ANKS3: variants seen among roughly 807,000 people sequenced by gnomAD.
ANKS3 encodes ankyrin repeat and sterile alpha motif domain containing 3, also known as ankyrin repeat and SAM domain-containing protein 3.
ANKS3 carries 62 observed loss-of-function variants against 80.7 expected under a neutral mutation model. The ratio of observed to expected loss-of-function variants is 0.77; its 90% CI spans 0.63 to 0.95. The LOEUF is 0.95. ANKS3 is among the 40% of genes least tolerant of loss of function. The pLI, the probability that ANKS3 is intolerant of heterozygous loss-of-function variation, is 0.00. For missense variants in ANKS3, 1,150 were observed against 883.6 expected (o/e 1.30, Z -3.82); for synonymous variants, 489 against 355.3 (o/e 1.38, Z -4.23).
At chr16:4,726,618 A>T in intron 5 of ANKS3, 41 bp downstream of exon 5, 9 of 1,600,564 alleles carry the variant, frequency 5.6e-6, no homozygotes, top group Non-Finnish European at 7.7e-6. Context: ...GTCAGATGAC[A>T]CCTAGGCCAC....
intron 6 of ANKS3, among the ~76,000 whole-genome samples, chr16:4,718,974 G>A (rs565553031): frequency 6.6e-6 from 1 of 152,306 alleles, no homozygotes; most frequent in Non-Finnish European, 1.5e-5. Flanking sequence ...ACATATGCAT[G>A]TTATACATAA....
chr16:4,729,966 C>T lies in ANKS3; in HGVS notation c.170+14G>A, dbSNP rs145085118. On this transcript the variant is annotated intron_variant, in intron 3 of 17. Coordinates refer to ENST00000304283, the MANE Select transcript of ANKS3 (RefSeq NM_133450.4). ...TGCTCAAAATGTGAGAGGAAGTTCC[C>T]CGAGATCTCTTACCGCTGCACACAC... is the stretch of plus-strand genomic sequence containing the variant. The T allele has an allele frequency of 6.9e-7, 1 of 1,458,868 alleles. No homozygotes were observed. Among genetic ancestry groups the T allele is most frequent in the East Asian group, 2.5e-5 (1 of 39,600 alleles). The allele number at this position is 1,458,868 out of a possible 1,614,324, so 90.4% of individuals were successfully genotyped here.
chr16:4,702,350 A>C, intron 8 of ANKS3, 108 bp from the exon 9 acceptor site: 1 of 1,210,570 alleles, frequency 8.3e-7, no homozygotes, highest in Admixed American at 3.9e-5. Context: ...GACCTCACCT[A>C]CTTGCCCCTG....
At chr16:4,730,270 A>T (rs2081551667) in intron 2 of ANKS3, 119 bp from the exon 3 acceptor site, 1 of 938,430 alleles carries the variant, frequency 1.1e-6, no homozygotes. Flanking sequence ...AGTGCAGTCA[A>T]CCCCGGGAGT....
chr16:4,702,940 C>A (rs1029029232), intron 8 of ANKS3, among the ~76,000 whole-genome samples: 1 of 152,104 alleles, frequency 6.6e-6, no homozygotes, highest in African/African-American at 2.4e-5. Flanking sequence ...GAACTGGAGC[C>A]TTCAGTGAGC....
chr16:4,708,718 A>C (rs1306795711), intron 7 of ANKS3, among the ~76,000 whole-genome samples: 1 of 151,646 alleles, frequency 6.6e-6, no homozygotes, highest in East Asian at 1.9e-4. Context: ...GCAGATCACG[A>C]GGTGAGGAGA....
At chr16:4,722,393 A>G (rs554432338) in intron 6 of ANKS3, among the ~76,000 whole-genome samples, 1 of 151,972 alleles carries the variant, frequency 6.6e-6, no homozygotes, top group South Asian at 2.1e-4. Context: ...ATCCTGGCTA[A>G]CACGGTGAAA....
chr16:4,730,193 T>C, intron 2 of ANKS3, 42 bp from the exon 3 acceptor site: 2 of 1,447,082 alleles, frequency 1.4e-6, no homozygotes, highest in Non-Finnish European at 1.8e-6. Flanking sequence ...CCTGGCTGGT[T>C]GTTCCAGGGC....
At chr16:4,707,743 G>C (rs2080273883) in intron 7 of ANKS3, among the ~76,000 whole-genome samples, 1 of 152,168 alleles carries the variant, frequency 6.6e-6, no homozygotes, top group African/African-American at 2.4e-5. Context: ...AAATAAGATA[G>C]ACTCACAGAT....
At chr16:4,710,859 C>T (rs1237018064) in intron 7 of ANKS3, among the ~76,000 whole-genome samples, 4 of 152,122 alleles carry the variant, frequency 2.6e-5, no homozygotes, top group South Asian at 2.1e-4. Context: ...AGTGCAGTGG[C>T]GTGATTTTGG....
At chr16:4,699,669 T>C in intron 11 of ANKS3, 1 of 171,900 alleles carries the variant, frequency 5.8e-6, no homozygotes, top group East Asian at 1.5e-4. Context: ...GTTTCTGCTC[T>C]CCTTCTGGAA....
In ANKS3 at chr16:4,702,116, C is replaced by T. The variant is rs1178570081; in HGVS notation, c.995G>A (p.Ser332Asn). ...INERDVESSS[S>N]SSSREEHAFC... Reference sequence around the variant, plus strand: ...GGTGCACGTACCCCGACTGCTGCTGCTGCTGCTGCTCTCCACATCCCGCTC... The same window carrying T: ...GGTGCACGTACCCCGACTGCTGCTGTTGCTGCTGCTCTCCACATCCCGCTC... Residue 332 changes from serine (S) to asparagine (N), a missense_variant, in exon 9 of 18, where the codon AGC becomes AAC. Coordinates refer to ENST00000304283, the MANE Select transcript of ANKS3 (RefSeq NM_133450.4). 2 of 1,595,648 alleles carry T rather than the reference C, an allele frequency of 1.3e-6. No homozygotes were observed. Among genetic ancestry groups the T allele is most frequent in the Non-Finnish European group, 1.7e-6 (2 of 1,173,118 alleles).
In ANKS3 at chr16:4,697,049, C is replaced by T. The variant is rs369166637; in HGVS notation, c.1950G>A (p.Gly650=). 9 of 1,613,760 alleles carry T rather than the reference C, an allele frequency of 5.6e-6. No individual in the cohort carries two copies. In the African/African-American group the frequency reaches 1.1e-4, roughly 19 times the overall value. Residue 650 remains glycine (G), a synonymous_variant, in exon 17 of 18, where the codon GGG becomes GGA. Coordinates refer to ENST00000304283, the MANE Select transcript of ANKS3 (RefSeq NM_133450.4). ...QSLEKLQVLN[G]KKWRET is the part of the protein sequence containing the mutation. Reference sequence around the variant, plus strand: ...CAGGCTAGGTCTCCCGCCACTTCTTCCCGTTCAGCACCTGCAGCTTCTCCA... The same window carrying T: ...CAGGCTAGGTCTCCCGCCACTTCTTTCCGTTCAGCACCTGCAGCTTCTCCA...
Position 4,697,324 on chromosome 16 carries a change from G to A in ANKS3, c.1894+9C>T. On this transcript the variant is annotated intron_variant, in intron 16 of 17. Coordinates refer to ENST00000304283, the MANE Select transcript of ANKS3 (RefSeq NM_133450.4). The stretch of plus-strand genomic sequence containing the variant: ...GGAGCGCTCAGTCGTCTGGTCCCCG[G>A]AGACTCACCCATCTCACGGACACGG... 1.3e-6 allele frequency: 2 copies of A among 1,598,648 alleles called. No homozygotes were observed. Among genetic ancestry groups the A allele is most frequent in the Admixed American group, 3.4e-5 (2 of 58,068 alleles).
intron 6 of ANKS3, among the ~76,000 whole-genome samples, chr16:4,720,575 G>C (rs1230619228): frequency 6.6e-6 from 1 of 151,272 alleles, no homozygotes; most frequent in Non-Finnish European, 1.5e-5. Flanking sequence ...ACACAACAAA[G>C]ACTCTACTTT....
chr16:4,722,842 T>TG (rs2081172876), intron 6 of ANKS3, among the ~76,000 whole-genome samples: 1 of 150,254 alleles, frequency 6.7e-6, no homozygotes, highest in East Asian at 2.0e-4. Flanking sequence ...TGCTTGAACT[T>TG]GGGAGGTAGA....
At chr16:4,731,468 C>CG (rs1348575985) in intron 2 of ANKS3, 44 bp downstream of exon 2, 1 of 179,904 alleles carries the variant, frequency 5.6e-6, no homozygotes, top group Non-Finnish European at 1.1e-5. Flanking sequence ...TTAGTAGAGA[C>CG]GGGGGTTTCA....
Position 4,702,234 on chromosome 16 carries a change from G to C in ANKS3, c.877C>G (p.Pro293Ala). Residue 293 changes from proline to alanine, a missense_variant, in exon 9 of 18, where the codon CCT (proline) becomes GCT (alanine). Transcript: ENST00000304283. ...RAPRPRYEQA[P>A]PRGYVTFNSS... ...TTGAAGGTGACATAGCCACGGGGAG[G>C]AGCCTGCTCTGTGTACAGAATGGGG... The C allele has an allele frequency of 6.3e-7, 1 of 1,576,988 alleles. No individual in the cohort carries two copies.
At chr16:4,705,016 T>G (rs1257357869) in intron 8 of ANKS3, 79 bp downstream of exon 8, 6 of 1,554,390 alleles carry the variant, frequency 3.9e-6, no homozygotes, top group Non-Finnish European at 4.4e-6. Flanking sequence ...TTCAGGAGCC[T>G]AAGAGCTATT....
Sources: gnomAD v4.1 joint callset for allele counts (sites outside exome capture counted in the v4.1 genomes callset) on GRCh38, gnomAD v4.1.1 for gene constraint, MANE v1.5 for transcripts, NCBI Gene and HGNC (gene_info 2026-07-23, HGNC 2026-07-21) for gene names.